The following DOK6 variants were observed in gnomAD, a reference collection of about 807,000 sequenced individuals.
DOK6 encodes the protein downstream of tyrosine kinase 6.
In DOK6, 22 loss-of-function variants were observed where a neutral mutation model predicts 44.0. The ratio of observed to expected loss-of-function variants is 0.50; its 90% CI spans 0.36 to 0.71. DOK6 has a LOEUF of 0.71. DOK6 is among the 30% of genes least tolerant of loss of function. DOK6 has a pLI of 0.00. For missense variants in DOK6, 340 were observed against 416.4 expected, an observed-to-expected ratio of 0.82 and a Z score of 1.60; for synonymous variants, 166 against 145.5, an observed-to-expected ratio of 1.14 and a Z score of -1.01.
At position 69,508,716 on chromosome 18, in the gene DOK6, A is replaced by G. The variant is rs369069247; in HGVS notation, c.67-55771A>G. ...AGTGTATTTATGGATCTACAGCGCCATTGCATACTATAGCAGAGATATTTT... is the reference window on the plus strand; with the variant it reads ...AGTGTATTTATGGATCTACAGCGCCGTTGCATACTATAGCAGAGATATTTT... On this transcript the variant is annotated intron_variant, in intron 1 of 7. Transcript: ENST00000382713. Among the ~76,000 whole-genome samples, 437 of 152,294 alleles carry G rather than the reference A, an allele frequency of 2.9e-3. 4 individuals carry two copies. The highest frequency in any genetic ancestry group is 1.0e-2 in the African/African-American group (415 of 41,572).
chr18:69,790,266 G>C (rs1322187438), intron 7 of DOK6, among the ~76,000 whole-genome samples: 2 of 151,592 alleles, frequency 1.3e-5, no homozygotes, highest in Non-Finnish European at 2.9e-5. Flanking sequence ...GGGCCTGTCG[G>C]GGGGTGGGGG....
At chr18:69,564,386 C>T (rs991068059) in intron 1 of DOK6, 101 bp from the exon 2 acceptor site, 4 of 857,350 alleles carry the variant, frequency 4.7e-6, no homozygotes, top group Non-Finnish European at 7.2e-6. Context: ...AAAACAGTTC[C>T]TCTCTGAAGT....
At chr18:69,804,514 C>T (rs2852145) in intron 7 of DOK6, among the ~76,000 whole-genome samples, 144,278 of 152,168 alleles carry the variant, frequency 0.95, 68,859 homozygotes, top group East Asian at 1. Flanking sequence ...GAGATACTTT[C>T]TAAGGAGATA....
intron 3 of DOK6, among the ~76,000 whole-genome samples, chr18:69,636,966 A>C (rs1010363363): frequency 7.2e-5 from 11 of 152,202 alleles, no homozygotes; most frequent in Non-Finnish European, 1.5e-4. Flanking sequence ...GTGTGTTTAT[A>C]GGATGATTGT....
At chr18:69,640,110 A>T (rs1984905235) in intron 3 of DOK6, among the ~76,000 whole-genome samples, 1 of 152,236 alleles carries the variant, frequency 6.6e-6, no homozygotes, top group Non-Finnish European at 1.5e-5. Flanking sequence ...GCACAGTTGT[A>T]GTAAACAGAC....
chr18:69,683,799 C>G (rs571934048), intron 4 of DOK6, among the ~76,000 whole-genome samples: 1 of 152,226 alleles, frequency 6.6e-6, no homozygotes, highest in South Asian at 2.1e-4. Flanking sequence ...AAATACCAGC[C>G]CTGTATGATA....
chr18:69,769,675 C>T (rs556520892), intron 7 of DOK6, among the ~76,000 whole-genome samples: 1 of 152,148 alleles, frequency 6.6e-6, no homozygotes, highest in South Asian at 2.1e-4. Flanking sequence ...ATTAATGTCC[C>T]AGCTTCTTTA....
intron 1 of DOK6, among the ~76,000 whole-genome samples, chr18:69,452,387 C>T (rs1219427811): frequency 3.4e-5 from 5 of 147,124 alleles, no homozygotes; most frequent in Non-Finnish European, 7.4e-5. Context: ...TCTGAATAGA[C>T]CAATAACAGG....
At chr18:69,677,947 CAT>C in intron 4 of DOK6, 94 bp downstream of exon 4, 1 of 1,471,778 alleles carries the variant, frequency 6.8e-7, no homozygotes, top group Non-Finnish European at 9.0e-7. Context: ...TCAGACCAAT[CAT>C]ATTTTTTAAA....
At chr18:69,479,971 A>C (rs1382464006) in intron 1 of DOK6, among the ~76,000 whole-genome samples, 1 of 152,180 alleles carries the variant, frequency 6.6e-6, no homozygotes, top group Non-Finnish European at 1.5e-5. Context: ...AGTCAATTTC[A>C]AAACTTATTA....
intron 5 of DOK6, among the ~76,000 whole-genome samples, chr18:69,700,794 G>A (rs1446486013): frequency 6.6e-6 from 1 of 152,112 alleles, no homozygotes; most frequent in South Asian, 2.1e-4. Flanking sequence ...TGTTCCCTGG[G>A]TCTGGACTGA....
chr18:69,775,566 T>G (rs1240975418), intron 7 of DOK6, among the ~76,000 whole-genome samples: 2 of 150,892 alleles, frequency 1.3e-5, no homozygotes, highest in Non-Finnish European at 3.0e-5. Flanking sequence ...AACAAGTAAA[T>G]AGGAGAAAAG....
intron 5 of DOK6, among the ~76,000 whole-genome samples, chr18:69,709,362 C>T (rs1462576337): frequency 2.0e-5 from 3 of 152,214 alleles, no homozygotes; most frequent in East Asian, 1.9e-4. Flanking sequence ...AATAGATTAA[C>T]TTATCCTTGA....
intron 1 of DOK6, among the ~76,000 whole-genome samples, chr18:69,421,549 T>C (rs1424123917): frequency 1.3e-5 from 2 of 152,216 alleles, no homozygotes; most frequent in African/African-American, 4.8e-5. Flanking sequence ...GTAAGCCCTA[T>C]ACCATTTTAC....
At chr18:69,555,387 T>A (rs750188946) in intron 1 of DOK6, among the ~76,000 whole-genome samples, 29 of 152,288 alleles carry the variant, frequency 1.9e-4, no homozygotes, top group South Asian at 4.1e-4. Flanking sequence ...TAGTCTTTTT[T>A]TCCGTTAAGA....
At chr18:69,408,343 T>C (rs1978292809) in intron 1 of DOK6, among the ~76,000 whole-genome samples, 1 of 151,778 alleles carries the variant, frequency 6.6e-6, no homozygotes, top group Non-Finnish European at 1.5e-5. Context: ...TATGTCACAA[T>C]AAGGAAGTAC....
intron 3 of DOK6, among the ~76,000 whole-genome samples, chr18:69,624,265 T>A (rs2144640682): frequency 6.6e-6 from 1 of 152,310 alleles, no homozygotes; most frequent in African/African-American, 2.4e-5. Flanking sequence ...CCTTATCATC[T>A]GATTGTGCCA....
chr18:69,651,977 A>C (rs939761896), intron 3 of DOK6, among the ~76,000 whole-genome samples: 4 of 152,346 alleles, frequency 2.6e-5, no homozygotes, highest in African/African-American at 9.6e-5. Context: ...TTTGATAACC[A>C]AAAGAGCAAT....
intron 3 of DOK6, among the ~76,000 whole-genome samples, chr18:69,609,030 T>C (rs1337307846): frequency 2.0e-5 from 3 of 152,260 alleles, no homozygotes; most frequent in South Asian, 4.1e-4. Context: ...TTTATTCTTT[T>C]TGGTGCTGTT....
Sources: gnomAD v4.1 joint callset for allele counts (sites outside exome capture counted in the v4.1 genomes callset) on GRCh38, gnomAD v4.1.1 for gene constraint, MANE v1.5 for transcripts, NCBI Gene and HGNC (gene_info 2026-07-23, HGNC 2026-07-21) for gene names.